The following GLRA2 variants were observed in gnomAD, a reference collection of about 807,000 sequenced individuals.
GLRA2 encodes glycine receptor alpha 2, also known as glycine receptor subunit alpha-2.
A neutral mutation model predicts 31.6 loss-of-function variants in GLRA2; 11 were observed. The ratio of observed to expected loss-of-function variants is 0.35; its 90% CI spans 0.22 to 0.58. The LOEUF is 0.58. Among genes scored for constraint, GLRA2 ranks in the 20% least tolerant of loss-of-function variants. The pLI is 0.84. For missense variants in GLRA2, 212 were observed against 351.8 expected (o/e 0.60, Z 3.18); for synonymous variants, 132 against 134.0 (o/e 0.99, Z 0.10).
the GLRA2 span, among the ~76,000 whole-genome samples, chrX:14,462,460 T>A: frequency 8.9e-6 from 1 of 112,036 alleles, no homozygotes; most frequent in African/African-American, 3.3e-5. Context: ...TTGGTTCCAT[T>A]CTCCCAGTCA....
intron 7 of GLRA2, among the ~76,000 whole-genome samples, chrX:14,629,748 T>C (rs1372742964): frequency 9.0e-6 from 1 of 111,703 alleles, no homozygotes; most frequent in Non-Finnish European, 1.9e-5. Context: ...ACTCTTTTTG[T>C]GTTTTTTAAA....
intron 7 of GLRA2, among the ~76,000 whole-genome samples, chrX:14,670,289 A>G (rs2091078037): frequency 9.0e-6 from 1 of 111,478 alleles, no homozygotes; most frequent in Non-Finnish European, 1.9e-5. Context: ...ACTTTCCTAT[A>G]TTTTCCTGTC....
Position 14,623,780 on chromosome X carries a change from T to C in GLRA2, c.930+14575T>C, listed in dbSNP as rs1391577916. ...ATTTTATTGAGGATTTTTGCATCGA[T>C]GTTCATCAGGGATATTGGTCTAAAA... is the stretch of plus-strand genomic sequence containing the variant. On this transcript the variant is annotated intron_variant, in intron 7 of 8. Coordinates refer to ENST00000218075, the MANE Select transcript of GLRA2 (RefSeq NM_002063.4). Among the ~76,000 whole-genome samples the C allele has an allele frequency of 7.2e-5, 8 of 111,739 alleles. No individual in the cohort carries two copies. The South Asian group carries it at 3.0e-3, about 42-fold the overall frequency.
intron 8 of GLRA2, among the ~76,000 whole-genome samples, chrX:14,702,258 A>ATGAT (rs781365983): frequency 8.9e-6 from 1 of 112,006 alleles, no homozygotes; most frequent in East Asian, 2.8e-4. Context: ...GGCTTTATAA[A>ATGAT]TGATAGAATG....
At chrX:14,720,152 G>C (rs770930120) in intron 8 of GLRA2, among the ~76,000 whole-genome samples, 10 of 111,138 alleles carry the variant, frequency 9.0e-5, no homozygotes, top group Non-Finnish European at 1.9e-4. Context: ...ATAATTTATT[G>C]TATTTTTTTC....
intron 2 of GLRA2, among the ~76,000 whole-genome samples, chrX:14,552,855 C>G (rs1401950634): frequency 8.9e-6 from 1 of 111,791 alleles, no homozygotes; most frequent in African/African-American, 3.3e-5. Context: ...CTCAACAAAC[C>G]TTGTCTCTAG....
chrX:14,727,789 T>A (rs1379428608), intron 8 of GLRA2, among the ~76,000 whole-genome samples: 1 of 112,018 alleles, frequency 8.9e-6, no homozygotes, highest in Non-Finnish European at 1.9e-5. Flanking sequence ...TACTCCGATG[T>A]TAGGCTGGAT....
intron 7 of GLRA2, among the ~76,000 whole-genome samples, chrX:14,642,230 G>A (rs1158930165): frequency 8.9e-6 from 1 of 111,783 alleles, no homozygotes; most frequent in East Asian, 2.8e-4. Context: ...GGGCCATGGG[G>A]TTTTTCTCTC....
At chrX:14,686,089 C>T (rs1242119697) in intron 7 of GLRA2, among the ~76,000 whole-genome samples, 2 of 111,827 alleles carry the variant, frequency 1.8e-5, no homozygotes, top group Non-Finnish European at 3.8e-5. Flanking sequence ...CATTCAGGAA[C>T]AGGTTGTTCA....
chrX:14,524,875 G>C (rs1419058611), upstream of GLRA2, among the ~76,000 whole-genome samples: 1 of 110,443 alleles, frequency 9.1e-6, no homozygotes, highest in Non-Finnish European at 1.9e-5. Flanking sequence ...AAAAATAACA[G>C]CAATCACACG....
At chrX:14,589,677 A>ATATATATATATATATGTATAGTG (rs2090121526) in intron 4 of GLRA2, among the ~76,000 whole-genome samples, 1 of 104,340 alleles carries the variant, frequency 9.6e-6, no homozygotes, top group East Asian at 2.9e-4. Flanking sequence ...TCTCAAAAAA[A>ATATATATATATATATGTATAGTG]TATATATATA....
At chrX:14,686,173 G>C (rs2091275193) in intron 7 of GLRA2, among the ~76,000 whole-genome samples, 1 of 112,006 alleles carries the variant, frequency 8.9e-6, no homozygotes. Flanking sequence ...TGTGGTCTGA[G>C]AGACAGTTTG....
intron 2 of GLRA2, among the ~76,000 whole-genome samples, chrX:14,546,821 T>C (rs755594793): frequency 1.1e-4 from 12 of 111,391 alleles, no homozygotes; most frequent in African/African-American, 3.9e-4. Flanking sequence ...TCATGGGGCC[T>C]CTCTCATTCC....
chrX:14,523,421 C>T, the GLRA2 span, among the ~76,000 whole-genome samples: 2 of 112,175 alleles, frequency 1.8e-5, no homozygotes, highest in African/African-American at 6.5e-5. Flanking sequence ...ACTTTCTTAA[C>T]ATTTATGTGT....
chrX:14,552,356 C>T (rs1265649918), intron 2 of GLRA2, among the ~76,000 whole-genome samples: 1 of 112,450 alleles, frequency 8.9e-6, no homozygotes, highest in African/African-American at 3.2e-5. Flanking sequence ...GCAATGTGTT[C>T]CTCATGATGT....
At chrX:14,527,343 G>T (rs983116680), upstream of GLRA2, among the ~76,000 whole-genome samples, 1 of 111,960 alleles carries the variant, frequency 8.9e-6, no homozygotes, top group Admixed American at 9.5e-5. Context: ...TCGGCTGGGC[G>T]CGGTGGCTCA....
the GLRA2 span, among the ~76,000 whole-genome samples, chrX:14,453,582 G>C: frequency 8.9e-6 from 1 of 112,304 alleles, no homozygotes; most frequent in East Asian, 2.8e-4. Flanking sequence ...GGTGCTGCTA[G>C]TGGCAATGTA....
chrX:14,612,094 A>C (rs1031472703), intron 7 of GLRA2, among the ~76,000 whole-genome samples: 3 of 111,525 alleles, frequency 2.7e-5, no homozygotes, highest in Non-Finnish European at 5.7e-5. Context: ...TCTCAAGCAG[A>C]CTTTGCAAAG....
intron 7 of GLRA2, among the ~76,000 whole-genome samples, chrX:14,637,219 C>T (rs941741898): frequency 2.7e-5 from 3 of 111,957 alleles, no homozygotes; most frequent in Non-Finnish European, 3.8e-5. Flanking sequence ...ATTAGCCTAG[C>T]TTAGGTCCCC....
Sources: allele counts gnomAD v4.1 joint callset (sites outside exome capture counted in the v4.1 genomes callset), GRCh38; gene constraint gnomAD v4.1.1; transcripts MANE v1.5; gene names NCBI Gene and HGNC (gene_info 2026-07-23, HGNC 2026-07-21).